EFTUD2: variants seen among roughly 807,000 people sequenced by gnomAD.
The protein encoded by EFTUD2 is 116 kDa U5 small nuclear ribonucleoprotein component.
EFTUD2 carries 9 observed loss-of-function variants against 114.3 expected under a neutral mutation model. The observed-to-expected ratio is 0.08, with a 90% CI of 0.05 to 0.14. EFTUD2 has a LOEUF of 0.14. EFTUD2 is among the 10% of genes least tolerant of loss of function. EFTUD2 has a pLI of 1.00. For synonymous variants in EFTUD2, 449 were observed against 462.3 expected, an observed-to-expected ratio of 0.97 and a Z score of 0.37; for missense variants, 765 against 1,241.2, an observed-to-expected ratio of 0.62 and a Z score of 5.76.
chr17:44,881,854 T>A, intron 6 of EFTUD2, 132 bp from the exon 7 acceptor site: 1 of 794,410 alleles, frequency 1.3e-6, no homozygotes, highest in Non-Finnish European at 2.1e-6. Flanking sequence ...GAGAGCAGGG[T>A]GTCCCCACAG....
rs141786231 is a variant in EFTUD2, at chr17:44,860,091, G to A, written c.1720-46C>T. The A allele has an allele frequency of 1.2e-3, 1,882 of 1,613,888 alleles. 6 individuals are homozygous for A. The highest frequency in any genetic ancestry group is 4.7e-3 in the East Asian group (213 of 44,878). On this transcript the variant is annotated intron_variant, in intron 17 of 27. Transcript: ENST00000426333. ...GACTGAGGGCAACTGGCATGAGCAG[G>A]CACAGAAAGTGCAGAGGTATGAGAA...
At chr17:44,860,077 A>G (rs1443438013) in intron 17 of EFTUD2, 32 bp from the exon 18 acceptor site, 2 of 1,614,236 alleles carry the variant, frequency 1.2e-6, no homozygotes, top group Non-Finnish European at 1.7e-6. Context: ...ACTGAGGGCA[A>G]CTGGCATGAG....
chr17:44,893,271 C>T (rs115105704), intron 2 of EFTUD2, among the ~76,000 whole-genome samples: 1,847 of 152,094 alleles, frequency 0.012, 39 homozygotes, highest in African/African-American at 0.042. Flanking sequence ...TACAGGCACG[C>T]GCCAACAAGC....
At position 44,857,149 on chromosome 17, in the gene EFTUD2, G is replaced by A; in HGVS notation, c.1971C>T (p.Asp657=). The change falls in exon 20 of 28, where the codon GAC becomes GAT. Residue 657 remains aspartate, a synonymous_variant. Coordinates refer to ENST00000426333, the MANE Select transcript of EFTUD2 (RefSeq NM_004247.4). ...MYSEIDIKVA[D]PVVTFCETVV... ...CCGTCTCACAAAACGTGACAACTGG[G>A]TCAGCCACCTGGGAAACAGAAAATA... 2 of 1,613,898 alleles carry A rather than the reference G, an allele frequency of 1.2e-6. No individual in the cohort carries two copies. Among genetic ancestry groups the A allele is most frequent in the Admixed American group, 1.7e-5 (1 of 60,020 alleles).
At chr17:44,859,536 A>T in intron 18 of EFTUD2, 1 of 500,792 alleles carries the variant, frequency 2.0e-6, no homozygotes, top group East Asian at 3.5e-5. Context: ...CAAGGATCAG[A>T]GTAACAACTC....
Position 44,852,685 on chromosome 17 carries a change from C to A in EFTUD2, c.2562-123G>T, listed in dbSNP as rs1030057747. The A allele has an allele frequency of 1.1e-5, 13 of 1,227,210 alleles. No individual in the cohort carries two copies. In the African/African-American group the frequency reaches 1.5e-4, roughly 14 times the overall value. 76.0% of individuals were successfully genotyped at this position (1,227,210 alleles called of 1,614,324 possible). ...AGAGTTACCATCAAAGAAAGAGTAA[C>A]CAAGAATGTTCTACAAAAAGCAGAA... On this transcript the variant is annotated intron_variant, in intron 25 of 27. Coordinates refer to ENST00000426333, the MANE Select transcript of EFTUD2 (RefSeq NM_004247.4).
chr17:44,869,254 G>C (rs1387060560), intron 11 of EFTUD2, among the ~76,000 whole-genome samples: 5 of 152,060 alleles, frequency 3.3e-5, no homozygotes, highest in Non-Finnish European at 7.4e-5. Context: ...CTGAACCACT[G>C]AATGTTTATG....
chr17:44,883,569 C>T (rs1375686925), intron 5 of EFTUD2, 80 bp downstream of exon 5: 1 of 1,365,360 alleles, frequency 7.3e-7, no homozygotes, highest in Non-Finnish European at 1.0e-6. Flanking sequence ...CAAACCTCAA[C>T]CGCTGTGACT....
chr17:44,886,706 A>G lies in EFTUD2; in HGVS notation c.150T>C (p.Asp50=). The change falls in exon 3 of 28, where the codon GAT becomes GAC. Residue 50 remains aspartate (D), a synonymous_variant. Coordinates refer to ENST00000426333, the MANE Select transcript of EFTUD2 (RefSeq NM_004247.4). ...GCACCACCTCCATCCCAGGGTGGTC[A>G]TCGTCATGATCTCCTACGTCATCGT... ...DDDDDVGDHD[D]DHPGMEVVLH... is the part of the protein sequence containing the mutation. 1 of 1,614,182 alleles carries G rather than the reference A, an allele frequency of 6.2e-7. No individual in the cohort carries two copies. Among genetic ancestry groups the G allele is most frequent in the Non-Finnish European group, 8.5e-7 (1 of 1,180,024 alleles).
intron 16 of EFTUD2, among the ~76,000 whole-genome samples, chr17:44,862,493 C>T (rs1436415532): frequency 1.3e-5 from 2 of 152,142 alleles, no homozygotes; most frequent in East Asian, 1.9e-4. Context: ...AGTGCAAAGG[C>T]GAAGCTTCTG....
At chr17:44,883,069 A>G (rs765084749) in intron 6 of EFTUD2, 24 bp downstream of exon 6, 2 of 1,613,398 alleles carry the variant, frequency 1.2e-6, no homozygotes, top group South Asian at 2.2e-5. Flanking sequence ...TTCATCCTAA[A>G]CCCTCAACAG....
chr17:44,880,729 T>A, intron 7 of EFTUD2, 85 bp from the exon 8 acceptor site: 5 of 977,372 alleles, frequency 5.1e-6, no homozygotes, highest in Non-Finnish European at 8.1e-6. Context: ...TGCTAGTAAA[T>A]TACACTGATG....
chr17:44,855,043 G>T (rs370198047), intron 20 of EFTUD2, 39 bp from the exon 21 acceptor site: 6 of 1,550,120 alleles, frequency 3.9e-6, no homozygotes, highest in Non-Finnish European at 4.5e-6. Flanking sequence ...ACGGCTAACA[G>T]AACAGCAGAA....
intron 20 of EFTUD2, among the ~76,000 whole-genome samples, chr17:44,855,958 G>GC (rs1555564554): frequency 7.8e-6 from 1 of 128,144 alleles, no homozygotes; most frequent in Admixed American, 7.9e-5. Context: ...TGTCTCAAAA[G>GC]AAAAAAAAAA....
intron 2 of EFTUD2, among the ~76,000 whole-genome samples, chr17:44,887,187 G>A (rs1383710815): frequency 6.6e-6 from 1 of 152,204 alleles, no homozygotes; most frequent in African/African-American, 2.4e-5. Context: ...GTGCTGGCAA[G>A]GATGTGGAGA....
At chr17:44,874,971 T>C (rs2145512580) in intron 10 of EFTUD2, among the ~76,000 whole-genome samples, 1 of 152,366 alleles carries the variant, frequency 6.6e-6, no homozygotes, top group Middle Eastern at 3.4e-3. Context: ...TTGCTACTAT[T>C]GCTGTTAGGC....
chr17:44,895,224 G>A (rs548807642), intron 1 of EFTUD2, among the ~76,000 whole-genome samples: 3 of 152,388 alleles, frequency 2.0e-5, no homozygotes, highest in South Asian at 4.1e-4. Context: ...GGCCGGGCGC[G>A]GTGGCGCATG....
chr17:44,850,136 G>T lies in EFTUD2; in HGVS notation c.*1138C>A, dbSNP rs1365407453. 1.7e-5 allele frequency: 9 copies of T among 545,166 alleles called. No homozygotes were observed. In the East Asian group the frequency reaches 2.3e-4, roughly 14 times the overall value. The allele number at this position is 545,166 out of a possible 1,614,324, so 33.8% of individuals were successfully genotyped here. The stretch of plus-strand genomic sequence containing the variant: ...CACAATACATGTGAAAGTGTTTCGT[G>T]AACTGTCAGATAAGTGGTTTCCCCA... On this transcript the variant is annotated 3_prime_UTR_variant, in exon 28 of 28. Transcript: ENST00000426333.
rs145801894 is a variant in EFTUD2, at chr17:44,876,062, C to T, written c.741G>A (p.Val247=). The change falls in exon 10 of 28, where the codon GTG becomes GTA. Residue 247 remains valine, a synonymous_variant. Coordinates refer to ENST00000426333, the MANE Select transcript of EFTUD2 (RefSeq NM_004247.4). ...LNTERLIKHA[V]QERLAVTVCI... ...ACACAGTGACTGCCAGCCTCTCCTGCACCGCATGCTTGATCAGCCGCTCTG... is the reference window on the plus strand; with the variant it reads ...ACACAGTGACTGCCAGCCTCTCCTGTACCGCATGCTTGATCAGCCGCTCTG... 21 of 1,614,002 alleles carry T rather than the reference C, an allele frequency of 1.3e-5. No individual in the cohort carries two copies. In the African/African-American group the frequency reaches 2.5e-4, roughly 19 times the overall value.
Sources: allele counts gnomAD v4.1 joint callset (sites outside exome capture counted in the v4.1 genomes callset), GRCh38; gene constraint gnomAD v4.1.1; transcripts MANE v1.5; gene names NCBI Gene and HGNC (gene_info 2026-07-23, HGNC 2026-07-21).